Variants in LAMA3 observed in about 807,000 individuals in gnomAD.
LAMA3 encodes laminin subunit alpha 3, also known as laminin subunit alpha-3.
In LAMA3, 281 loss-of-function variants were observed where a neutral mutation model predicts 402.0. The observed-to-expected ratio is 0.70, with a 90% CI of 0.63 to 0.77. The LOEUF is 0.77. LAMA3 is among the 30% of genes least tolerant of loss of function. LAMA3 has a pLI of 0.00. For synonymous variants in LAMA3, 1,431 were observed against 1,558.4 expected, an observed-to-expected ratio of 0.92 and a Z score of 1.93; for missense variants, 3,840 against 4,215.5, an observed-to-expected ratio of 0.91 and a Z score of 2.47.
chr18:23,884,105 G>A (rs1443556414), intron 40 of LAMA3, among the ~76,000 whole-genome samples: 2 of 143,902 alleles, frequency 1.4e-5, no homozygotes, highest in Non-Finnish European at 3.0e-5. Flanking sequence ...TGTGTTTAAA[G>A]CTGCTTCTAA....
chr18:23,764,425 T>C (rs1249616508), intron 8 of LAMA3, among the ~76,000 whole-genome samples: 1 of 152,232 alleles, frequency 6.6e-6, no homozygotes, highest in African/African-American at 2.4e-5. Context: ...AACACTGGAC[T>C]AGAATGTGTA....
intron 12 of LAMA3, among the ~76,000 whole-genome samples, chr18:23,795,462 GA>G (rs1568192124): frequency 6.6e-6 from 1 of 152,164 alleles, no homozygotes; most frequent in Non-Finnish European, 1.5e-5. Context: ...GCTTCATTGG[GA>G]AGGAAAGTAT....
At chr18:23,922,119 G>A (rs555216733) in intron 62 of LAMA3, among the ~76,000 whole-genome samples, 3 of 152,310 alleles carry the variant, frequency 2.0e-5, no homozygotes, top group African/African-American at 4.8e-5. Flanking sequence ...AATGTGAAAG[G>A]CAGTAAAGCT....
At chr18:23,855,935 G>A (rs2064067290) in intron 32 of LAMA3, among the ~76,000 whole-genome samples, 1 of 152,150 alleles carries the variant, frequency 6.6e-6, no homozygotes, top group South Asian at 2.1e-4. Flanking sequence ...TGTGCCGAGT[G>A]GACAGAAAGG....
At chr18:23,699,034 G>C (rs946746391) in intron 1 of LAMA3, among the ~76,000 whole-genome samples, 3 of 150,934 alleles carry the variant, frequency 2.0e-5, no homozygotes, top group Non-Finnish European at 4.4e-5. Context: ...TAGAGAGAGA[G>C]AGAGAGAGAG....
Position 23,907,942 on chromosome 18 carries a change from G to C in LAMA3, c.7015+7G>C, listed in dbSNP as rs2081305032. 1 of 1,613,204 alleles carries C rather than the reference G, an allele frequency of 6.2e-7. No homozygotes were observed. Among genetic ancestry groups the C allele is most frequent in the Admixed American group, 1.7e-5 (1 of 59,988 alleles). Reference sequence around the variant, plus strand: ...ACTGATGCAGATAACTCGGGTATCAGGCGATCTCTGGCCAGGACATCTTAG... The same window carrying C: ...ACTGATGCAGATAACTCGGGTATCACGCGATCTCTGGCCAGGACATCTTAG... On this transcript the variant is annotated splice_region_variant and intron_variant, in intron 54 of 74. Transcript: ENST00000313654.
intron 12 of LAMA3, among the ~76,000 whole-genome samples, chr18:23,787,990 A>C (rs1180117315): frequency 6.6e-6 from 1 of 152,098 alleles, no homozygotes. Flanking sequence ...TACATACATA[A>C]ATATGGGGCC....
chr18:23,901,364 G>C (rs1033110419), intron 48 of LAMA3, 41 bp downstream of exon 48: 10 of 1,528,116 alleles, frequency 6.5e-6, no homozygotes, highest in Non-Finnish European at 8.2e-6. Flanking sequence ...CGTTAATAAG[G>C]ATGAGAGAAG....
rs528601660 is a variant in LAMA3 at position 23,915,921 on chromosome 18, G to A, written c.7778+499G>A. 3.6e-5 allele frequency among the ~76,000 whole-genome samples: 5 copies of A among 140,824 alleles called. No homozygotes were observed. In the South Asian group the frequency reaches 9.2e-4, roughly 26 times the overall value. The allele number at this position is 140,824 out of a possible 152,430, so 92.4% of individuals were successfully genotyped here. A position where few individuals can be genotyped will look rare whatever the true frequency, so the allele number is the denominator to read the frequency against. On this transcript the variant is annotated intron_variant, in intron 59 of 74. Transcript: ENST00000313654. ...CTTGGAAGGCTGAGGCACAGGAATC[G>A]CTTGAACTCGGGAGGTCAAGGTTGC...
At chr18:23,792,699 T>G (rs2062683064) in intron 12 of LAMA3, among the ~76,000 whole-genome samples, 1 of 152,178 alleles carries the variant, frequency 6.6e-6, no homozygotes, top group South Asian at 2.1e-4. Flanking sequence ...GATGCTTTTT[T>G]GCTTGAGGCA....
chr18:23,814,209 C>T (rs1158637565), intron 14 of LAMA3, among the ~76,000 whole-genome samples, 194 bp from the exon 15 acceptor site: 1 of 152,138 alleles, frequency 6.6e-6, no homozygotes, highest in Non-Finnish European at 1.5e-5. Flanking sequence ...ACATGCATAA[C>T]AAATAAATGA....
intron 68 of LAMA3, among the ~76,000 whole-genome samples, chr18:23,939,916 G>C (rs1354428824): frequency 6.6e-6 from 1 of 152,208 alleles, no homozygotes; most frequent in Non-Finnish European, 1.5e-5. Flanking sequence ...CAGGTGATTT[G>C]AAGGAGCCAT....
At chr18:23,847,163 C>T (rs775241256) in intron 31 of LAMA3, among the ~76,000 whole-genome samples, 5 of 152,176 alleles carry the variant, frequency 3.3e-5, no homozygotes, top group South Asian at 4.1e-4. Context: ...AGAGCAGCCT[C>T]CTACCAATTT....
At chr18:23,692,474 G>A (rs2060609416) in intron 1 of LAMA3, among the ~76,000 whole-genome samples, 1 of 152,124 alleles carries the variant, frequency 6.6e-6, no homozygotes, top group Non-Finnish European at 1.5e-5. Context: ...GTTTCACCAT[G>A]TCGGCCAGGC....
At chr18:23,910,122 G>A (rs780490088) in intron 55 of LAMA3, among the ~76,000 whole-genome samples, 5 of 152,218 alleles carry the variant, frequency 3.3e-5, no homozygotes, top group African/African-American at 7.2e-5. Context: ...GAATAAGAAT[G>A]TATGCTAGCT....
chr18:23,734,527 T>C (rs894460324), intron 2 of LAMA3, among the ~76,000 whole-genome samples: 4 of 152,216 alleles, frequency 2.6e-5, no homozygotes, highest in African/African-American at 4.8e-5. Context: ...CAAACTCCAC[T>C]CTAACGGAGT....
At chr18:23,810,648 C>T in intron 13 of LAMA3, 145 bp downstream of exon 13, 1 of 881,934 alleles carries the variant, frequency 1.1e-6, no homozygotes, top group Admixed American at 1.9e-5. Context: ...TGCTTGGTTC[C>T]TCACCTGTTC....
Position 23,733,985 on chromosome 18 carries a change from A to G in LAMA3, c.448-13958A>G, listed in dbSNP as rs559396326. Among the ~76,000 whole-genome samples, 8 of 152,314 alleles carry G rather than the reference A, an allele frequency of 5.3e-5. No individual in the cohort carries two copies. The South Asian group carries it at 1.2e-3, about 24-fold the overall frequency. On this transcript the variant is annotated intron_variant, in intron 2 of 74. Transcript: ENST00000313654. ...TTCTGGTTGCTTCTAATGTACACTG[A>G]AGTTTCAGAGTGCTGCAGTGACATT...
chr18:23,777,248 A>G (rs1475191961), intron 10 of LAMA3, among the ~76,000 whole-genome samples: 2 of 113,072 alleles, frequency 1.8e-5, no homozygotes, highest in Non-Finnish European at 4.6e-5. Context: ...CTTTGATTTT[A>G]TGTTAAAAAA....
Sources: allele counts gnomAD v4.1 joint callset (sites outside exome capture counted in the v4.1 genomes callset), GRCh38; gene constraint gnomAD v4.1.1; transcripts MANE v1.5; gene names NCBI Gene and HGNC (gene_info 2026-07-23, HGNC 2026-07-21).